The following ARHGAP24 variants were observed in gnomAD, a reference collection of about 807,000 sequenced individuals.
ARHGAP24 encodes rho GTPase-activating protein 24.
A neutral mutation model predicts 76.4 loss-of-function variants in ARHGAP24; 50 were observed. The ratio of observed to expected loss-of-function variants is 0.65; its 90% CI spans 0.52 to 0.83. ARHGAP24 has a LOEUF of 0.83. Among genes scored for constraint, ARHGAP24 ranks in the 40% least tolerant of loss-of-function variants. The pLI is 0.00. For missense variants in ARHGAP24, 930 were observed against 914.2 expected (o/e 1.02, Z -0.22); for synonymous variants, 345 against 323.3 (o/e 1.07, Z -0.72).
chr4:85,976,937 C>T (rs532293507), intron 7 of ARHGAP24, among the ~76,000 whole-genome samples: 5 of 152,068 alleles, frequency 3.3e-5, no homozygotes, highest in African/African-American at 4.8e-5. Flanking sequence ...GGCCCGCCAC[C>T]GCACCCAGCT....
intron 3 of ARHGAP24, among the ~76,000 whole-genome samples, chr4:85,819,653 T>C (rs1257459108): frequency 3.3e-5 from 5 of 152,232 alleles, no homozygotes; most frequent in African/African-American, 1.2e-4. Context: ...GTGCGGTGGC[T>C]CATGCCTGTA....
At chr4:85,660,716 AC>A (rs1374873617) in intron 2 of ARHGAP24, among the ~76,000 whole-genome samples, 1 of 140,876 alleles carries the variant, frequency 7.1e-6, no homozygotes, top group African/African-American at 2.6e-5. Context: ...GAATCCCTTG[AC>A]CCAGGGAGTA....
intron 2 of ARHGAP24, among the ~76,000 whole-genome samples, chr4:85,659,816 A>G (rs1418373100): frequency 6.6e-6 from 1 of 152,184 alleles, no homozygotes; most frequent in African/African-American, 2.4e-5. Flanking sequence ...TCTTCTTTTC[A>G]TTCCTCCCCT....
intron 3 of ARHGAP24, among the ~76,000 whole-genome samples, chr4:85,900,235 A>G (rs1734417279): frequency 6.6e-6 from 1 of 152,180 alleles, no homozygotes; most frequent in African/African-American, 2.4e-5. Flanking sequence ...AATTATCAAT[A>G]TCAGTATTCT....
At chr4:85,691,314 T>C (rs1051053523) in intron 2 of ARHGAP24, among the ~76,000 whole-genome samples, 3 of 152,224 alleles carry the variant, frequency 2.0e-5, no homozygotes, top group African/African-American at 7.2e-5. Flanking sequence ...GAGAAGAATG[T>C]ATATCCTATG....
intron 3 of ARHGAP24, among the ~76,000 whole-genome samples, chr4:85,869,216 G>A (rs1283425794): frequency 6.6e-6 from 1 of 152,168 alleles, no homozygotes; most frequent in African/African-American, 2.4e-5. Context: ...AAGCGCAGAT[G>A]TAGATTAACA....
At chr4:85,493,224 A>C (rs988467009) in intron 1 of ARHGAP24, among the ~76,000 whole-genome samples, 2 of 152,220 alleles carry the variant, frequency 1.3e-5, no homozygotes, top group African/African-American at 4.8e-5. Context: ...TTGCTAGTTT[A>C]CTTTCTGTAA....
chr4:85,673,352 T>C (rs1722872628), intron 2 of ARHGAP24, among the ~76,000 whole-genome samples: 1 of 152,154 alleles, frequency 6.6e-6, no homozygotes, highest in South Asian at 2.1e-4. Context: ...AAACAGTTTA[T>C]TGTATAATAC....
At chr4:85,946,314 A>C (rs537546025) in intron 5 of ARHGAP24, among the ~76,000 whole-genome samples, 2 of 152,052 alleles carry the variant, frequency 1.3e-5, no homozygotes, top group Non-Finnish European at 2.9e-5. Context: ...CCTATTGTAA[A>C]TATATTTCTT....
chr4:85,640,586 T>C (rs562127358), intron 2 of ARHGAP24, among the ~76,000 whole-genome samples: 1 of 152,354 alleles, frequency 6.6e-6, no homozygotes, highest in African/African-American at 2.4e-5. Flanking sequence ...ACAAACATCT[T>C]ATTGAAACTC....
chr4:85,621,387 A>G (rs971693834), intron 2 of ARHGAP24, among the ~76,000 whole-genome samples: 2 of 152,108 alleles, frequency 1.3e-5, no homozygotes, highest in Non-Finnish European at 2.9e-5. Flanking sequence ...TCCCACCAAT[A>G]GTGTATAAAT....
intron 3 of ARHGAP24, among the ~76,000 whole-genome samples, chr4:85,901,613 G>C (rs1306432989): frequency 2.0e-5 from 3 of 152,120 alleles, no homozygotes; most frequent in Non-Finnish European, 4.4e-5. Flanking sequence ...CTCAGAGCTT[G>C]AGATCATACA....
chr4:85,655,766 C>CATATATAT lies in ARHGAP24; in HGVS notation c.181-66099_181-66092dup, dbSNP rs370571889. On this transcript the variant is annotated intron_variant, in intron 2 of 9. Coordinates refer to ENST00000395184, the MANE Select transcript of ARHGAP24 (RefSeq NM_001025616.3). ...CAGCCTGGGTGACAGAGTGAGACTC[C>CATATATAT]ATATATATATATATATATATATATA... Among the ~76,000 whole-genome samples the CATATATAT allele has an allele frequency of 8.1e-4, 56 of 69,022 alleles. 1 individual carries two copies. The highest frequency in any genetic ancestry group is 4.8e-3 in the African/African-American group (48 of 9,956). 45.3% of individuals were successfully genotyped at this position (69,022 alleles called of 152,430 possible). A position where few individuals can be genotyped will look rare whatever the true frequency, so the allele number is the denominator to read the frequency against.
At chr4:85,974,704 C>T (rs996419309) in intron 6 of ARHGAP24, among the ~76,000 whole-genome samples, 184 bp from the exon 7 acceptor site, 2 of 152,136 alleles carry the variant, frequency 1.3e-5, no homozygotes, top group Non-Finnish European at 2.9e-5. Context: ...TATTTTAAAT[C>T]CTTGTACATC....
intron 2 of ARHGAP24, among the ~76,000 whole-genome samples, chr4:85,611,644 A>G (rs376048603): frequency 3.5e-4 from 53 of 152,228 alleles, no homozygotes; most frequent in East Asian, 2.3e-3. Flanking sequence ...CCCTCTGTCC[A>G]TGAACCCGAT....
intron 5 of ARHGAP24, among the ~76,000 whole-genome samples, chr4:85,956,574 T>C (rs546033434): frequency 6.6e-5 from 10 of 151,850 alleles, no homozygotes; most frequent in South Asian, 6.2e-4. Context: ...GTCAGTGTTA[T>C]AGCTCTATTA....
chr4:85,548,705 G>A (rs890500157), intron 1 of ARHGAP24, among the ~76,000 whole-genome samples: 2 of 152,168 alleles, frequency 1.3e-5, no homozygotes, highest in African/African-American at 2.4e-5. Context: ...TTTGTGCACA[G>A]ATATCAAGTG....
chr4:86,000,080 CTTT>C (rs35831725), intron 9 of ARHGAP24: 16 of 143,470 alleles, frequency 1.1e-4, no homozygotes, highest in South Asian at 6.0e-4. Context: ...TTATTGCCCT[CTTT>C]TTTTTTTTTT....
chr4:85,878,820 A>G (rs905623211), intron 3 of ARHGAP24, among the ~76,000 whole-genome samples: 5 of 152,206 alleles, frequency 3.3e-5, no homozygotes, highest in African/African-American at 9.6e-5. Context: ...TCTCCCTGCA[A>G]TATAACATTT....
Sources: allele counts gnomAD v4.1 joint callset (sites outside exome capture counted in the v4.1 genomes callset), GRCh38; gene constraint gnomAD v4.1.1; transcripts MANE v1.5; gene names NCBI Gene and HGNC (gene_info 2026-07-23, HGNC 2026-07-21).